The following WWOX variants were observed in gnomAD, a reference collection of about 807,000 sequenced individuals.
WWOX encodes the protein WW domain-containing oxidoreductase.
WWOX carries 69 observed loss-of-function variants against 46.2 expected under a neutral mutation model. That is an observed-to-expected ratio of 1.49 (90% CI 1.23 to 1.82). WWOX has a LOEUF of 1.82. Ranked by LOEUF, WWOX falls within the 40% of genes most tolerant of loss-of-function variation. The pLI is 0.00. For synonymous variants in WWOX, 359 were observed against 202.6 expected (o/e 1.77, Z -6.56); for missense variants, 919 against 542.6 (o/e 1.69, Z -6.89).
intron 6 of WWOX, among the ~76,000 whole-genome samples, chr16:78,400,856 C>T (rs1448166279): frequency 6.6e-6 from 1 of 152,220 alleles, no homozygotes; most frequent in African/African-American, 2.4e-5. Context: ...ATAGGGCTGG[C>T]TCTGTCACCC....
intron 8 of WWOX, among the ~76,000 whole-genome samples, chr16:78,674,351 C>T (rs957739291): frequency 6.7e-6 from 1 of 149,026 alleles, no homozygotes; most frequent in East Asian, 2.0e-4. Context: ...GTGGTGCGAT[C>T]TTGGCTCACT....
At chr16:78,700,602 C>G (rs779884445) in intron 8 of WWOX, among the ~76,000 whole-genome samples, 5 of 152,204 alleles carry the variant, frequency 3.3e-5, no homozygotes, top group Non-Finnish European at 1.5e-5. Context: ...GGAAGGGGCA[C>G]TCAGCTGTTA....
At chr16:78,176,020 A>G (rs1700978830) in intron 5 of WWOX, among the ~76,000 whole-genome samples, 1 of 151,922 alleles carries the variant, frequency 6.6e-6, no homozygotes, top group Admixed American at 6.6e-5. Context: ...ATCAGGAATC[A>G]CCCCGCTTTG....
At chr16:78,336,102 A>G (rs770577682) in intron 5 of WWOX, among the ~76,000 whole-genome samples, 12 of 151,832 alleles carry the variant, frequency 7.9e-5, no homozygotes, top group Non-Finnish European at 1.3e-4. Flanking sequence ...AAAAAACGAA[A>G]AACAAAAAAA....
chr16:79,158,056 T>G (rs2050416269), intron 8 of WWOX, among the ~76,000 whole-genome samples: 1 of 152,078 alleles, frequency 6.6e-6, no homozygotes, highest in Non-Finnish European at 1.5e-5. Flanking sequence ...CCTCTAGGAA[T>G]TTATTGACCC....
intron 8 of WWOX, among the ~76,000 whole-genome samples, chr16:78,686,341 C>G (rs1253643061): frequency 6.6e-6 from 1 of 152,016 alleles, no homozygotes; most frequent in Non-Finnish European, 1.5e-5. Flanking sequence ...GAAACCCCGC[C>G]TCTACTAAAA....
intron 8 of WWOX, among the ~76,000 whole-genome samples, chr16:78,626,468 A>C (rs759148176): frequency 1.3e-5 from 2 of 152,124 alleles, no homozygotes; most frequent in Non-Finnish European, 2.9e-5. Flanking sequence ...TTTTCTCATG[A>C]GTTTACTGGA....
At chr16:78,626,949 T>C (rs763410981) in intron 8 of WWOX, among the ~76,000 whole-genome samples, 16 of 152,212 alleles carry the variant, frequency 1.1e-4, no homozygotes, top group Non-Finnish European at 1.8e-4. Context: ...TCCTGTGTTC[T>C]TGTGATGTAC....
chr16:78,968,831 G>T (rs531256458), intron 8 of WWOX, among the ~76,000 whole-genome samples: 1 of 152,044 alleles, frequency 6.6e-6, no homozygotes, highest in South Asian at 2.1e-4. Context: ...TTGGATCCGA[G>T]CCATTTGCAA....
At chr16:78,838,397 T>C (rs1025634184) in intron 8 of WWOX, among the ~76,000 whole-genome samples, 3 of 152,232 alleles carry the variant, frequency 2.0e-5, no homozygotes, top group African/African-American at 7.2e-5. Context: ...CACAGTTGCA[T>C]CTTAAAATGT....
At chr16:78,217,093 C>T (rs1004465373) in intron 5 of WWOX, among the ~76,000 whole-genome samples, 5 of 152,188 alleles carry the variant, frequency 3.3e-5, no homozygotes, top group Admixed American at 1.3e-4. Context: ...TCCTTTGCCA[C>T]GCAGTCTACC....
chr16:78,759,975 C>G (rs558463762), intron 8 of WWOX, among the ~76,000 whole-genome samples: 137 of 152,306 alleles, frequency 9.0e-4, no homozygotes, highest in Non-Finnish European at 1.5e-3. Context: ...TTGCTTCCCT[C>G]TTACAATGAC....
chr16:78,484,226 C>A (rs1480557244), intron 8 of WWOX, among the ~76,000 whole-genome samples: 1 of 152,020 alleles, frequency 6.6e-6, no homozygotes, highest in East Asian at 1.9e-4. Flanking sequence ...TGCAGTAATA[C>A]TTTTGTACCT....
intron 8 of WWOX, among the ~76,000 whole-genome samples, chr16:78,452,216 C>T (rs764136975): frequency 6.6e-5 from 10 of 152,084 alleles, no homozygotes; most frequent in African/African-American, 1.4e-4. Context: ...TTGGATTGTC[C>T]GCACTCATAA....
chr16:79,191,956 T>C (rs2051145067), intron 8 of WWOX, among the ~76,000 whole-genome samples: 1 of 152,208 alleles, frequency 6.6e-6, no homozygotes, highest in South Asian at 2.1e-4. Flanking sequence ...ACACATCAGG[T>C]GATTTAAGCT....
chr16:79,042,024 A>G (rs1020165352), intron 8 of WWOX, among the ~76,000 whole-genome samples: 10 of 151,134 alleles, frequency 6.6e-5, no homozygotes, highest in African/African-American at 2.4e-4. Flanking sequence ...CTTCTATCCT[A>G]CTCTTTATGT....
intron 8 of WWOX, among the ~76,000 whole-genome samples, chr16:78,900,567 T>A (rs907811545): frequency 6.6e-6 from 1 of 152,190 alleles, no homozygotes; most frequent in African/African-American, 2.4e-5. Context: ...TTTCGTGGCC[T>A]TCAGGTTATT....
At chr16:78,682,807 C>T (rs368900312) in intron 8 of WWOX, among the ~76,000 whole-genome samples, 3 of 152,220 alleles carry the variant, frequency 2.0e-5, no homozygotes, top group East Asian at 1.9e-4. Flanking sequence ...CATTTGTCCA[C>T]AGCATGGGAC....
chr16:78,849,908 A>G (rs565716083), intron 8 of WWOX, among the ~76,000 whole-genome samples: 1 of 152,196 alleles, frequency 6.6e-6, no homozygotes, highest in South Asian at 2.1e-4. Flanking sequence ...CCCTGTCTCT[A>G]CTTAAAATAC....
Sources: allele counts gnomAD v4.1 joint callset (sites outside exome capture counted in the v4.1 genomes callset), GRCh38; gene constraint gnomAD v4.1.1; transcripts MANE v1.5; gene names NCBI Gene and HGNC (gene_info 2026-07-23, HGNC 2026-07-21).